Variants in ZFPM2 observed in about 807,000 individuals in gnomAD.
The protein encoded by ZFPM2 is zinc finger protein, FOG family member 2.
A neutral mutation model predicts 98.6 loss-of-function variants in ZFPM2; 20 were observed. That is an observed-to-expected ratio of 0.20 (90% CI 0.14 to 0.29). The LOEUF (loss-of-function observed/expected upper bound fraction) is 0.29, where lower values mean the gene tolerates loss of function less well. ZFPM2 is among the 10% of genes least tolerant of loss of function. The pLI is 1.00. For missense variants in ZFPM2, 1,310 were observed against 1,388.6 expected (o/e 0.94, Z 0.90); for synonymous variants, 518 against 502.7 (o/e 1.03, Z -0.41).
Position 105,452,233 on chromosome 8 carries a change from T to C in ZFPM2, c.301+7852T>C, listed in dbSNP as rs1287506693. Among the ~76,000 whole-genome samples the C allele has an allele frequency of 1.3e-4, 20 of 152,282 alleles. No individual in the cohort carries two copies. In the South Asian group the frequency reaches 3.9e-3, roughly 30 times the overall value. ...CTTTTATGCATTATGAAGTAAAATA[T>C]AATGCTTATAACACTATTTTAAAAA... On this transcript the variant is annotated intron_variant, in intron 3 of 7. Transcript: ENST00000407775.
At chr8:105,595,786 C>T (rs953633448) in intron 4 of ZFPM2, among the ~76,000 whole-genome samples, 1 of 151,900 alleles carries the variant, frequency 6.6e-6, no homozygotes, top group Admixed American at 6.6e-5. Context: ...TCCTTCATGG[C>T]TAAAATAATC....
At chr8:105,581,453 T>C (rs1192304438) in intron 4 of ZFPM2, among the ~76,000 whole-genome samples, 1 of 149,160 alleles carries the variant, frequency 6.7e-6, no homozygotes, top group African/African-American at 2.5e-5. Context: ...GAAACAAGCC[T>C]TTTCTATTTC....
At chr8:105,471,969 A>C (rs1348390113) in intron 3 of ZFPM2, among the ~76,000 whole-genome samples, 1 of 152,150 alleles carries the variant, frequency 6.6e-6, no homozygotes, top group Non-Finnish European at 1.5e-5. Flanking sequence ...CCAGTGTTTC[A>C]AAAAATGTGG....
In ZFPM2 at chr8:105,421,655, G is replaced by A. The variant is rs138388201; in HGVS notation, c.199+2353G>A. On this transcript the variant is annotated intron_variant, in intron 2 of 7. Coordinates refer to ENST00000407775, the MANE Select transcript of ZFPM2 (RefSeq NM_012082.4). ...AATGGAAAGAGAATATTTTCTCTCT[G>A]GAAAATTAGAAACTAATCTTTCTGT... Among the ~76,000 whole-genome samples the A allele has an allele frequency of 1.7e-3, 259 of 152,070 alleles. 2 individuals carry two copies. The highest frequency in any genetic ancestry group is 3.1e-3 in the Admixed American group (48 of 15,266).
intron 5 of ZFPM2, among the ~76,000 whole-genome samples, chr8:105,653,263 C>G (rs1817215484): frequency 1.3e-5 from 2 of 151,936 alleles, no homozygotes; most frequent in African/African-American, 4.8e-5. Context: ...AGTAATGAAG[C>G]AAACTGATAC....
intron 6 of ZFPM2, chr8:105,796,900 A>G (rs1306035833): frequency 6.6e-6 from 1 of 152,230 alleles, no homozygotes; most frequent in Non-Finnish European, 1.5e-5. Flanking sequence ...AGTTTGCACA[A>G]TACAAGGTCA....
At chr8:105,713,128 C>T (rs555531688) in intron 5 of ZFPM2, among the ~76,000 whole-genome samples, 18 of 152,144 alleles carry the variant, frequency 1.2e-4, no homozygotes, top group African/African-American at 4.3e-4. Context: ...TCTATAGTGA[C>T]TGAATTAATT....
chr8:105,399,996 G>A (rs1206026970), intron 1 of ZFPM2, among the ~76,000 whole-genome samples: 1 of 152,086 alleles, frequency 6.6e-6, no homozygotes, highest in Non-Finnish European at 1.5e-5. Flanking sequence ...TTGAAATCCT[G>A]ACCTCAGGTA....
At chr8:105,418,883 G>T (rs1474986599) in intron 1 of ZFPM2, 18 of 571,110 alleles carry the variant, frequency 3.2e-5, no homozygotes, top group South Asian at 1.4e-4. Flanking sequence ...GGGGCTTGAG[G>T]TTGGGGGTGG....
chr8:105,794,537 C>G (rs1456478618), intron 6 of ZFPM2, among the ~76,000 whole-genome samples: 1 of 152,172 alleles, frequency 6.6e-6, no homozygotes, highest in East Asian at 1.9e-4. Flanking sequence ...GGGTCAGGGA[C>G]CCACTTGAGG....
intron 3 of ZFPM2, among the ~76,000 whole-genome samples, chr8:105,534,884 G>A (rs1054861512): frequency 6.6e-6 from 1 of 152,080 alleles, no homozygotes; most frequent in Non-Finnish European, 1.5e-5. Context: ...GAACATATTG[G>A]GGGGAGTCAG....
In ZFPM2 at chr8:105,793,297, T is replaced by C. The variant is rs571731479; in HGVS notation, c.739+4373T>C. Among the ~76,000 whole-genome samples, 8 of 152,316 alleles carry C rather than the reference T, an allele frequency of 5.3e-5. No homozygotes were observed. In the East Asian group the frequency reaches 1.5e-3, roughly 29 times the overall value. ...GCAGGCCTGGTGGTGACAAAATCTC[T>C]CAGCATTTGCTTGTCTGTAAAGTAT... On this transcript the variant is annotated intron_variant, in intron 6 of 7. Coordinates refer to ENST00000407775, the MANE Select transcript of ZFPM2 (RefSeq NM_012082.4).
chr8:105,626,886 T>A (rs2130826972), intron 4 of ZFPM2, among the ~76,000 whole-genome samples: 1 of 152,240 alleles, frequency 6.6e-6, no homozygotes, highest in South Asian at 2.1e-4. Flanking sequence ...TTTGTTGTAT[T>A]TCCTAAACTA....
chr8:105,457,728 A>G (rs1812619870), intron 3 of ZFPM2, among the ~76,000 whole-genome samples: 1 of 152,220 alleles, frequency 6.6e-6, no homozygotes, highest in African/African-American at 2.4e-5. Context: ...CTAATTCCAT[A>G]GCATGTGTGG....
chr8:105,591,110 A>G (rs1815833203), intron 4 of ZFPM2, among the ~76,000 whole-genome samples: 1 of 152,156 alleles, frequency 6.6e-6, no homozygotes, highest in African/African-American at 2.4e-5. Context: ...ATTCACAGAT[A>G]AAGAAAAAAA....
intron 3 of ZFPM2, among the ~76,000 whole-genome samples, chr8:105,485,798 A>G (rs543013107): frequency 3.9e-5 from 6 of 152,330 alleles, no homozygotes; most frequent in Non-Finnish European, 5.9e-5. Flanking sequence ...TAGTTAAGGA[A>G]GGATAGGGTA....
chr8:105,348,846 G>T lies in ZFPM2; in HGVS notation c.40+29865G>T, dbSNP rs564436156. On this transcript the variant is annotated intron_variant, in intron 1 of 7. Transcript: ENST00000407775. ...ATGAGTTTGAAATCTGGAATTGTTT[G>T]ATTTTATTTGCAAATGATTATGAGG... is the stretch of plus-strand genomic sequence containing the variant. Among the ~76,000 whole-genome samples the T allele has an allele frequency of 5.3e-5, 8 of 152,294 alleles. No individual in the cohort carries two copies. The East Asian group carries it at 1.2e-3, about 22-fold the overall frequency.
intron 5 of ZFPM2, among the ~76,000 whole-genome samples, chr8:105,734,953 G>T (rs561174547): frequency 1.3e-5 from 2 of 150,440 alleles, no homozygotes; most frequent in African/African-American, 4.9e-5. Context: ...TTCTCTCACT[G>T]CAGTTTTAAC....
intron 1 of ZFPM2, among the ~76,000 whole-genome samples, chr8:105,409,758 G>C (rs1811539391): frequency 6.6e-6 from 1 of 151,886 alleles, no homozygotes; most frequent in Non-Finnish European, 1.5e-5. Flanking sequence ...TACAGGATTT[G>C]TTAAAACATG....
Sources: gnomAD v4.1 joint callset for allele counts (sites outside exome capture counted in the v4.1 genomes callset) on GRCh38, gnomAD v4.1.1 for gene constraint, MANE v1.5 for transcripts, NCBI Gene and HGNC (gene_info 2026-07-23, HGNC 2026-07-21) for gene names.